The following SLC4A7 variants were observed in gnomAD, a reference collection of about 807,000 sequenced individuals.
SLC4A7 encodes sodium bicarbonate cotransporter 3.
A neutral mutation model predicts 137.6 loss-of-function variants in SLC4A7; 51 were observed. The observed-to-expected ratio is 0.37, with a 90% CI of 0.30 to 0.47. SLC4A7 has a LOEUF of 0.47. Ranked by LOEUF, SLC4A7 falls within the 20% of genes least tolerant of loss-of-function variation. The pLI, the probability that SLC4A7 is intolerant of heterozygous loss-of-function variation, is 1.00. For synonymous variants in SLC4A7, 542 were observed against 518.6 expected (o/e 1.05, Z -0.61); for missense variants, 1,247 against 1,525.4 (o/e 0.82, Z 3.04).
intron 1 of SLC4A7, among the ~76,000 whole-genome samples, chr3:27,470,076 A>C (rs57992391): frequency 0.22 from 33,266 of 152,168 alleles, 3,734 homozygotes; most frequent in Non-Finnish European, 0.25. Flanking sequence ...TTCTTCTTAT[A>C]AAATCTAGTA....
intron 1 of SLC4A7, among the ~76,000 whole-genome samples, chr3:27,480,448 C>T (rs2059660161): frequency 1.3e-5 from 2 of 152,062 alleles, no homozygotes; most frequent in African/African-American, 4.8e-5. Flanking sequence ...AGGCTGGTCT[C>T]AAACCCCCTA....
At chr3:27,449,291 T>C (rs965844958) in intron 2 of SLC4A7, among the ~76,000 whole-genome samples, 7 of 151,430 alleles carry the variant, frequency 4.6e-5, no homozygotes, top group Non-Finnish European at 1.0e-4. Context: ...TGGCCAACCA[T>C]AGTTAGTAGA....
chr3:27,386,533 C>G (rs967470776), intron 22 of SLC4A7, among the ~76,000 whole-genome samples: 5 of 152,068 alleles, frequency 3.3e-5, no homozygotes, highest in Non-Finnish European at 5.9e-5. Context: ...AAGATTTCCA[C>G]TTCTGTACCT....
chr3:27,420,812 T>A, intron 9 of SLC4A7, 25 bp from the exon 10 acceptor site: 1 of 1,520,170 alleles, frequency 6.6e-7, no homozygotes, highest in South Asian at 1.1e-5. Context: ...AAATACAGAT[T>A]TTAAAATAAA....
At chr3:27,435,044 A>T (rs923724388) in intron 5 of SLC4A7, among the ~76,000 whole-genome samples, 1 of 152,214 alleles carries the variant, frequency 6.6e-6, no homozygotes, top group Non-Finnish European at 1.5e-5. Context: ...TTCATGTGAG[A>T]CAAGAAAGTA....
At chr3:27,420,352 T>A (rs1408989841) in intron 10 of SLC4A7, among the ~76,000 whole-genome samples, 1 of 151,446 alleles carries the variant, frequency 6.6e-6, no homozygotes, top group Non-Finnish European at 1.5e-5. Flanking sequence ...GGACCCCATA[T>A]CAGAGAAATT....
At chr3:27,413,041 G>A (rs1255548521) in intron 11 of SLC4A7, among the ~76,000 whole-genome samples, 3 of 152,060 alleles carry the variant, frequency 2.0e-5, no homozygotes, top group Non-Finnish European at 4.4e-5. Flanking sequence ...TTTAAAGACT[G>A]CTGTTTGAAA....
intron 22 of SLC4A7, among the ~76,000 whole-genome samples, chr3:27,388,325 A>T (rs1046534201): frequency 6.6e-6 from 1 of 152,232 alleles, no homozygotes; most frequent in Non-Finnish European, 1.5e-5. Flanking sequence ...TCTTTTGTGC[A>T]ACTTAATTAG....
chr3:27,414,156 T>C (rs2054166081), intron 11 of SLC4A7, among the ~76,000 whole-genome samples: 1 of 152,148 alleles, frequency 6.6e-6, no homozygotes, highest in South Asian at 2.1e-4. Context: ...GGTAGGCGCC[T>C]GTAATCCCAC....
At chr3:27,467,588 C>G (rs2059062733) in intron 1 of SLC4A7, among the ~76,000 whole-genome samples, 1 of 152,134 alleles carries the variant, frequency 6.6e-6, no homozygotes, top group Non-Finnish European at 1.5e-5. Flanking sequence ...TCCCGTAAAA[C>G]AAATGGAAAC....
Position 27,375,341 on chromosome 3 carries a change from TA to T in SLC4A7, c.*1422del, listed in dbSNP as rs1341527661. On this transcript the variant is annotated 3_prime_UTR_variant, in exon 26 of 26. Coordinates refer to ENST00000454389, the MANE Select transcript of SLC4A7 (RefSeq NM_001321103.2). ...CTTCTCAATACTCATTTGATTTTTG[TA>T]AATTATTCTCTTGTCAAATCAGTTT... 1 of 152,174 alleles carries T rather than the reference TA, an allele frequency of 6.6e-6. No homozygotes were observed. The highest frequency in any genetic ancestry group is 1.9e-4 in the East Asian group (1 of 5,204). The allele number at this position is 152,174 out of a possible 1,614,324, so 9.4% of individuals were successfully genotyped here. A position where few individuals can be genotyped will look rare whatever the true frequency, so the allele number is the denominator to read the frequency against.
At chr3:27,393,990 A>T in intron 20 of SLC4A7, among the ~76,000 whole-genome samples, 1 of 152,042 alleles carries the variant, frequency 6.6e-6, no homozygotes, top group African/African-American at 2.4e-5. Context: ...TTTATTTATG[A>T]GCGTTTTATA....
intron 1 of SLC4A7, among the ~76,000 whole-genome samples, chr3:27,469,809 A>T (rs2059161368): frequency 6.6e-6 from 1 of 152,234 alleles, no homozygotes; most frequent in Admixed American, 6.5e-5. Flanking sequence ...TGAGGTGCTA[A>T]GATGATGATA....
chr3:27,374,513 G>A lies in SLC4A7; in HGVS notation c.*2251C>T, dbSNP rs764459778. ...GAAATATAATCACTTAAAACAAGCA[G>A]TTAATTACCTAAACATGAGTTACCT... On this transcript the variant is annotated 3_prime_UTR_variant, in exon 26 of 26. Coordinates refer to ENST00000454389, the MANE Select transcript of SLC4A7 (RefSeq NM_001321103.2). 3.9e-5 allele frequency: 6 copies of A among 152,424 alleles called. No homozygotes were observed. Among genetic ancestry groups the A allele is most frequent in the African/African-American group, 1.4e-4 (6 of 41,426 alleles). The allele number at this position is 152,424 out of a possible 1,614,324, so 9.4% of individuals were successfully genotyped here.
chr3:27,407,045 G>A (rs907244812), intron 13 of SLC4A7, among the ~76,000 whole-genome samples: 5 of 150,686 alleles, frequency 3.3e-5, no homozygotes, highest in African/African-American at 7.3e-5. Context: ...CAGGCAAATC[G>A]GTATAAAATT....
At chr3:27,461,100 T>C (rs919327919) in intron 1 of SLC4A7, among the ~76,000 whole-genome samples, 4 of 152,140 alleles carry the variant, frequency 2.6e-5, no homozygotes, top group Non-Finnish European at 2.9e-5. Context: ...GGAAAATCCA[T>C]CAATTTGAAT....
chr3:27,400,927 A>G lies in SLC4A7; in HGVS notation c.2322-58T>C, dbSNP rs550667184. On this transcript the variant is annotated intron_variant, in intron 15 of 25. Coordinates refer to ENST00000454389, the MANE Select transcript of SLC4A7 (RefSeq NM_001321103.2). ...ATCCTGAATTTCATGCTTACATTTT[A>G]CTAAATCAATTATACAATGTGGTAG... 4 of 966,136 alleles carry G rather than the reference A, an allele frequency of 4.1e-6. No homozygotes were observed. In the East Asian group the frequency reaches 9.6e-5, roughly 23 times the overall value. The allele number at this position is 966,136 out of a possible 1,614,324, so 59.8% of individuals were successfully genotyped here. A position where few individuals can be genotyped will look rare whatever the true frequency, so the allele number is the denominator to read the frequency against.
chr3:27,392,999 G>A (rs1275723467), intron 20 of SLC4A7, among the ~76,000 whole-genome samples: 1 of 152,036 alleles, frequency 6.6e-6, no homozygotes, highest in Non-Finnish European at 1.5e-5. Flanking sequence ...ATAGCAAGGG[G>A]GAGGAGGGAT....
At position 27,409,566 on chromosome 3, in the gene SLC4A7, C is replaced by T. The variant is rs201681677; in HGVS notation, c.1767-36G>A. On this transcript the variant is annotated intron_variant, in intron 12 of 25. Coordinates refer to ENST00000454389, the MANE Select transcript of SLC4A7 (RefSeq NM_001321103.2). ...GAGATGAAACTCGTCAAACTGTACACTAGAGGATTCTAGCTACTTCAAACT... is the reference window on the plus strand; with the variant it reads ...GAGATGAAACTCGTCAAACTGTACATTAGAGGATTCTAGCTACTTCAAACT... 1.8e-5 allele frequency: 28 copies of T among 1,534,378 alleles called. No individual in the cohort carries two copies. The East Asian group carries it at 6.1e-4, about 33-fold the overall frequency.
Sources: gnomAD v4.1 joint callset for allele counts (sites outside exome capture counted in the v4.1 genomes callset) on GRCh38, gnomAD v4.1.1 for gene constraint, MANE v1.5 for transcripts, NCBI Gene and HGNC (gene_info 2026-07-23, HGNC 2026-07-21) for gene names.